RHBDD1: variants seen among roughly 807,000 people sequenced by gnomAD.
The protein encoded by RHBDD1 is rhomboid-related protein 4.
Under a neutral mutation model 36.3 loss-of-function variants are expected in RHBDD1, and 38 were observed. The observed-to-expected ratio is 1.05, with a 90% CI of 0.81 to 1.37. The LOEUF is 1.37. Ranked by LOEUF, RHBDD1 falls within the 40% of genes most tolerant of loss-of-function variation. RHBDD1 has a pLI of 0.00. For missense variants in RHBDD1, 393 were observed against 377.6 expected, an observed-to-expected ratio of 1.04 and a Z score of -0.34; for synonymous variants, 151 against 136.5, an observed-to-expected ratio of 1.11 and a Z score of -0.74.
intron 1 of RHBDD1, among the ~76,000 whole-genome samples, chr2:226,837,235 G>C (rs1481505595): frequency 6.6e-6 from 1 of 152,172 alleles, no homozygotes; most frequent in Admixed American, 6.5e-5. Context: ...AAAACACATA[G>C]AAAACCCTCA....
At chr2:226,921,725 C>G (rs1227838012) in intron 8 of RHBDD1, among the ~76,000 whole-genome samples, 1 of 151,920 alleles carries the variant, frequency 6.6e-6, no homozygotes, top group African/African-American at 2.4e-5. Flanking sequence ...TTTTTTTCAA[C>G]TTTTTAATAT....
intron 3 of RHBDD1, among the ~76,000 whole-genome samples, chr2:226,852,277 T>G (rs1942884494): frequency 6.6e-6 from 1 of 152,220 alleles, no homozygotes; most frequent in Non-Finnish European, 1.5e-5. Context: ...GTTCCGTTTT[T>G]ATAGCTGCCA....
At chr2:226,986,170 T>G (rs1157068133) in intron 8 of RHBDD1, among the ~76,000 whole-genome samples, 2 of 152,178 alleles carry the variant, frequency 1.3e-5, no homozygotes, top group Admixed American at 1.3e-4. Context: ...CACTCAAGAC[T>G]GTCAAGGTCA....
chr2:226,861,107 C>A (rs984464635), intron 3 of RHBDD1, among the ~76,000 whole-genome samples: 1 of 152,206 alleles, frequency 6.6e-6, no homozygotes, highest in Non-Finnish European at 1.5e-5. Context: ...ACCAAGACAT[C>A]AGGCAAACTA....
At chr2:226,827,562 T>G in the RHBDD1 span, among the ~76,000 whole-genome samples, 2 of 152,246 alleles carry the variant, frequency 1.3e-5, no homozygotes, top group Admixed American at 6.5e-5. Context: ...CCTGGAATGC[T>G]GTTCCATTTA....
At position 226,899,959 on chromosome 2, in the gene RHBDD1, G is replaced by A. The variant is rs905805875; in HGVS notation, c.567-6834G>A. Among the ~76,000 whole-genome samples the A allele has an allele frequency of 3.9e-5, 6 of 152,200 alleles. No individual in the cohort carries two copies. In the South Asian group the frequency reaches 6.2e-4, roughly 16 times the overall value. On this transcript the variant is annotated intron_variant, in intron 5 of 8. Transcript: ENST00000392062. ...CTTCCTCTGTGCCGCCATGATTTGA[G>A]TACTAGCAAGATGTTTTCCAGTTAA...
rs1438351281 is a variant in RHBDD1 at position 226,898,032 on chromosome 2, G to A, written c.567-8761G>A. Reference sequence around the variant, plus strand: ...AAAACAAACAAAAACCAGCCCTGGCGGGAACTATTAAAAGTGAGATCTCAT... The same window carrying A: ...AAAACAAACAAAAACCAGCCCTGGCAGGAACTATTAAAAGTGAGATCTCAT... On this transcript the variant is annotated intron_variant, in intron 5 of 8. Transcript: ENST00000392062. Among the ~76,000 whole-genome samples the A allele has an allele frequency of 2.6e-5, 4 of 152,128 alleles. No individual in the cohort carries two copies. The East Asian group carries it at 5.8e-4, about 22-fold the overall frequency.
At chr2:226,864,540 G>A in intron 3 of RHBDD1, 64 bp from the exon 4 acceptor site, 2 of 643,172 alleles carry the variant, frequency 3.1e-6, no homozygotes. Context: ...GTCTTGAAGC[G>A]AGTATGTCTT....
intron 4 of RHBDD1, among the ~76,000 whole-genome samples, chr2:226,865,399 A>G (rs1409713779): frequency 2.0e-5 from 3 of 152,236 alleles, no homozygotes; most frequent in Non-Finnish European, 4.4e-5. Context: ...TCCTTATGGT[A>G]GGGTCACAGA....
chr2:226,943,046 C>G (rs1950764701), intron 8 of RHBDD1, among the ~76,000 whole-genome samples: 1 of 152,118 alleles, frequency 6.6e-6, no homozygotes, highest in Admixed American at 6.5e-5. Flanking sequence ...TGAGAAAAAC[C>G]AAGAGTCATA....
At chr2:226,938,375 T>A (rs947500252) in intron 8 of RHBDD1, among the ~76,000 whole-genome samples, 8 of 152,160 alleles carry the variant, frequency 5.3e-5, no homozygotes, top group Non-Finnish European at 1.2e-4. Context: ...TTTTCTTCCC[T>A]TCTGTAGTTG....
intron 5 of RHBDD1, among the ~76,000 whole-genome samples, chr2:226,891,664 C>T (rs539852616): frequency 6.6e-5 from 10 of 152,204 alleles, no homozygotes; most frequent in Non-Finnish European, 8.8e-5. Flanking sequence ...AATGCAGCTA[C>T]TGTCTCCCTG....
chr2:226,897,515 A>G (rs1947203753), intron 5 of RHBDD1, among the ~76,000 whole-genome samples: 1 of 152,228 alleles, frequency 6.6e-6, no homozygotes, highest in South Asian at 2.1e-4. Flanking sequence ...GAAGAGGTTT[A>G]TTTAGCTCAC....
chr2:226,860,936 G>A (rs1360641840), intron 3 of RHBDD1, among the ~76,000 whole-genome samples: 1 of 152,120 alleles, frequency 6.6e-6, no homozygotes, highest in African/African-American at 2.4e-5. Flanking sequence ...AGGCCATTTA[G>A]AGGCTGGGAA....
chr2:226,890,185 G>A (rs1946569231), intron 5 of RHBDD1, among the ~76,000 whole-genome samples: 1 of 152,154 alleles, frequency 6.6e-6, no homozygotes, highest in African/African-American at 2.4e-5. Context: ...AATAACTACA[G>A]ATTTTAGAGA....
rs755180357 is a variant in RHBDD1 at position 226,906,817 on chromosome 2, T to A, written c.591T>A (p.Ala197=). The A allele has an allele frequency of 1.9e-6, 3 of 1,614,130 alleles. No individual in the cohort carries two copies. In the East Asian group the frequency reaches 6.7e-5, roughly 36 times the overall value. The part of the protein sequence containing the change: ...SPGTSFAGHL[A]GILVGLMYTQ... ...GGACTTCCTTCGCTGGGCATCTGGC[T>A]GGGATTCTTGTTGGACTAATGTACA... The change falls in exon 6 of 9, where the codon GCT becomes GCA. Residue 197 remains alanine (A), a synonymous_variant. Coordinates refer to ENST00000392062, the MANE Select transcript of RHBDD1 (RefSeq NM_001167608.3).
intron 5 of RHBDD1, among the ~76,000 whole-genome samples, chr2:226,888,667 A>G (rs1426031763): frequency 1.3e-5 from 2 of 151,944 alleles, no homozygotes; most frequent in Non-Finnish European, 2.9e-5. Context: ...TGAAAAGGCT[A>G]TGTGTAAAGC....
At chr2:226,898,297 G>A (rs1212648062) in intron 5 of RHBDD1, among the ~76,000 whole-genome samples, 1 of 152,178 alleles carries the variant, frequency 6.6e-6, no homozygotes, top group Non-Finnish European at 1.5e-5. Flanking sequence ...GCTAAACATT[G>A]TCTGTTATCT....
At chr2:226,959,396 C>T (rs1440299775) in intron 8 of RHBDD1, among the ~76,000 whole-genome samples, 3 of 152,234 alleles carry the variant, frequency 2.0e-5, no homozygotes, top group African/African-American at 4.8e-5. Flanking sequence ...TCATCTGCCT[C>T]TTAGTAATTT....
Sources: allele counts gnomAD v4.1 joint callset (sites outside exome capture counted in the v4.1 genomes callset), GRCh38; gene constraint gnomAD v4.1.1; transcripts MANE v1.5; gene names NCBI Gene and HGNC (gene_info 2026-07-23, HGNC 2026-07-21).